Variants in NRG3 observed in about 807,000 individuals in gnomAD.
The protein encoded by NRG3 is neuregulin 3.
A neutral mutation model predicts 66.9 loss-of-function variants in NRG3; 31 were observed. That is an observed-to-expected ratio of 0.46 (90% CI 0.35 to 0.63). NRG3 has a LOEUF of 0.63. Among genes scored for constraint, NRG3 ranks in the 20% least tolerant of loss-of-function variants. The probability of loss-of-function intolerance (pLI) is 0.00; values close to 1 mark genes in which losing one functional copy is unlikely to be tolerated. For missense variants in NRG3, 910 were observed against 878.9 expected (o/e 1.04, Z -0.45); for synonymous variants, 393 against 359.4 (o/e 1.09, Z -1.06).
At chr10:81,955,364 A>C (rs2133227324) in intron 1 of NRG3, among the ~76,000 whole-genome samples, 1 of 152,150 alleles carries the variant, frequency 6.6e-6, no homozygotes, top group Admixed American at 6.6e-5. Context: ...GAAGGCCATC[A>C]GACAGGAGGA....
At chr10:82,163,226 A>G (rs2071744931) in intron 1 of NRG3, among the ~76,000 whole-genome samples, 1 of 152,086 alleles carries the variant, frequency 6.6e-6, no homozygotes, top group Non-Finnish European at 1.5e-5. Context: ...CTTCCACTCA[A>G]AAAGATTATT....
At chr10:82,538,536 G>GT (rs368251170) in intron 2 of NRG3, among the ~76,000 whole-genome samples, 37 of 152,096 alleles carry the variant, frequency 2.4e-4, no homozygotes, top group Middle Eastern at 6.8e-3. Context: ...TCTGTTATCA[G>GT]TTTTTTTGTG....
chr10:82,152,252 T>C (rs2070808605), intron 1 of NRG3, among the ~76,000 whole-genome samples: 1 of 152,208 alleles, frequency 6.6e-6, no homozygotes. Flanking sequence ...TTGGCGATCC[T>C]ATTGTAGAAT....
At chr10:82,108,495 C>G (rs2067198803) in intron 1 of NRG3, among the ~76,000 whole-genome samples, 1 of 152,166 alleles carries the variant, frequency 6.6e-6, no homozygotes, top group African/African-American at 2.4e-5. Context: ...CTCTGCTACC[C>G]TTCACTTCCT....
chr10:81,947,800 C>G (rs1041018665), intron 1 of NRG3, among the ~76,000 whole-genome samples: 3 of 152,074 alleles, frequency 2.0e-5, no homozygotes, highest in Admixed American at 2.0e-4. Flanking sequence ...TTCAGCACTT[C>G]ATTATCGCAG....
intron 2 of NRG3, among the ~76,000 whole-genome samples, chr10:82,669,805 G>A (rs1280186541): frequency 6.6e-6 from 1 of 151,910 alleles, no homozygotes; most frequent in Non-Finnish European, 1.5e-5. Context: ...GTGGGCGCCT[G>A]TAGTCCCAGC....
intron 1 of NRG3, among the ~76,000 whole-genome samples, chr10:82,144,912 T>C (rs1331691785): frequency 6.6e-6 from 1 of 152,220 alleles, no homozygotes; most frequent in Non-Finnish European, 1.5e-5. Flanking sequence ...AGTCTCATTC[T>C]CCTTGTTGTC....
chr10:82,593,823 A>G (rs993234564), intron 2 of NRG3, among the ~76,000 whole-genome samples: 3 of 151,874 alleles, frequency 2.0e-5, no homozygotes, highest in Admixed American at 6.6e-5. Context: ...TTTAATACAT[A>G]TATATTTCTT....
intron 1 of NRG3, among the ~76,000 whole-genome samples, chr10:82,031,297 A>G (rs2062557372): frequency 6.6e-6 from 1 of 152,148 alleles, no homozygotes; most frequent in African/African-American, 2.4e-5. Flanking sequence ...TTTTAATTAA[A>G]TATCTGAATG....
intron 3 of NRG3, among the ~76,000 whole-genome samples, chr10:82,853,068 C>T (rs1204921959): frequency 6.6e-6 from 1 of 152,088 alleles, no homozygotes; most frequent in East Asian, 1.9e-4. Flanking sequence ...TTTTACCTTC[C>T]TCCAACCCAC....
chr10:82,915,803 AGAT>A (rs758897315), intron 4 of NRG3, among the ~76,000 whole-genome samples: 1 of 152,216 alleles, frequency 6.6e-6, no homozygotes, highest in Admixed American at 6.5e-5. Flanking sequence ...TAAAAAATTC[AGAT>A]GATAATTTTT....
intron 3 of NRG3, among the ~76,000 whole-genome samples, chr10:82,770,428 A>G (rs999590291): frequency 2.0e-5 from 3 of 151,962 alleles, no homozygotes; most frequent in African/African-American, 7.3e-5. Flanking sequence ...ATTCTTGGAA[A>G]CACATTATTT....
At chr10:82,247,084 G>A (rs2077278749) in intron 1 of NRG3, among the ~76,000 whole-genome samples, 1 of 152,150 alleles carries the variant, frequency 6.6e-6, no homozygotes, top group African/African-American at 2.4e-5. Flanking sequence ...TGTTGCCCTT[G>A]GAAGTGAGGG....
chr10:81,942,208 A>T (rs1486546592), intron 1 of NRG3, among the ~76,000 whole-genome samples: 1 of 152,108 alleles, frequency 6.6e-6, no homozygotes, highest in Admixed American at 6.6e-5. Flanking sequence ...GGCAGAAAAG[A>T]TGTTTGTGCT....
At chr10:82,770,378 A>G (rs900758380) in intron 3 of NRG3, among the ~76,000 whole-genome samples, 2 of 152,112 alleles carry the variant, frequency 1.3e-5, no homozygotes, top group African/African-American at 4.8e-5. Flanking sequence ...TCTTTCCAAA[A>G]CCCTGTTGTG....
chr10:82,115,189 A>G (rs2067630841), intron 1 of NRG3, among the ~76,000 whole-genome samples: 1 of 152,020 alleles, frequency 6.6e-6, no homozygotes, highest in Non-Finnish European at 1.5e-5. Flanking sequence ...GACCTTCTGT[A>G]GAGGCTTATT....
chr10:82,614,842 T>C (rs1417252005), intron 2 of NRG3, among the ~76,000 whole-genome samples: 2 of 151,988 alleles, frequency 1.3e-5, no homozygotes, highest in African/African-American at 4.8e-5. Flanking sequence ...GATATTAGAC[T>C]CCAGTCCCAA....
chr10:82,003,698 A>G (rs759023007), intron 1 of NRG3, among the ~76,000 whole-genome samples: 5 of 152,160 alleles, frequency 3.3e-5, no homozygotes, highest in African/African-American at 7.2e-5. Context: ...GAGAAGGTTT[A>G]TCAGAGTGGC....
chr10:82,406,783 CT>C (rs1450247946), intron 2 of NRG3, among the ~76,000 whole-genome samples: 1 of 152,014 alleles, frequency 6.6e-6, no homozygotes, highest in East Asian at 1.9e-4. Context: ...AGCTTGTTGA[CT>C]TAGAAACTAG....
Sources: allele counts gnomAD v4.1 joint callset (sites outside exome capture counted in the v4.1 genomes callset), GRCh38; gene constraint gnomAD v4.1.1; transcripts MANE v1.5; gene names NCBI Gene and HGNC (gene_info 2026-07-23, HGNC 2026-07-21).